CSMD1: variants seen among roughly 807,000 people sequenced by gnomAD.
CSMD1 encodes the protein CUB and sushi domain-containing protein 1.
Under a neutral mutation model 417.5 loss-of-function variants are expected in CSMD1, and 213 were observed. That is an observed-to-expected ratio of 0.51 (90% CI 0.46 to 0.57). The LOEUF is 0.57. CSMD1 is among the 20% of genes least tolerant of loss of function. The probability of loss-of-function intolerance (pLI) is 0.00; values close to 1 mark genes in which losing one functional copy is unlikely to be tolerated. For missense variants in CSMD1, 6,923 were observed against 4,529.7 expected (o/e 1.53, Z -15.17); for synonymous variants, 2,862 against 1,736.8 (o/e 1.65, Z -16.11).
chr8:4,134,914 T>G (rs76579663), intron 3 of CSMD1, among the ~76,000 whole-genome samples: 5,516 of 152,238 alleles, frequency 0.036, 318 homozygotes, highest in African/African-American at 0.13. Context: ...TTATCTAGTT[T>G]TTGCTAAACT....
chr8:3,400,485 G>A (rs544116441), intron 15 of CSMD1, among the ~76,000 whole-genome samples: 2 of 151,974 alleles, frequency 1.3e-5, no homozygotes, highest in African/African-American at 4.8e-5. Context: ...ATGTGAATTA[G>A]TGAAATTTAT....
chr8:3,648,302 A>T (rs1442447157), intron 7 of CSMD1, among the ~76,000 whole-genome samples: 3 of 152,220 alleles, frequency 2.0e-5, no homozygotes, highest in African/African-American at 7.2e-5. Context: ...TCTGCCCTAC[A>T]AATTGCCTTG....
intron 1 of CSMD1, among the ~76,000 whole-genome samples, chr8:4,880,720 C>A (rs1471482965): frequency 1.3e-5 from 2 of 151,982 alleles, no homozygotes; most frequent in Non-Finnish European, 2.9e-5. Flanking sequence ...CATAAATATC[C>A]CACGTGTCCA....
intron 3 of CSMD1, among the ~76,000 whole-genome samples, chr8:4,042,782 T>C (rs994725841): frequency 7.4e-6 from 1 of 134,294 alleles, no homozygotes; most frequent in Admixed American, 8.1e-5. Flanking sequence ...TGCTGTATCT[T>C]CGCTATACAA....
At chr8:4,161,503 G>A (rs985694837) in intron 3 of CSMD1, among the ~76,000 whole-genome samples, 4 of 152,148 alleles carry the variant, frequency 2.6e-5, no homozygotes, top group Non-Finnish European at 1.5e-5. Flanking sequence ...AAAGAAAAAG[G>A]ACTGAACCCA....
intron 3 of CSMD1, among the ~76,000 whole-genome samples, chr8:4,261,456 C>T (rs539028979): frequency 6.6e-6 from 1 of 152,068 alleles, no homozygotes; most frequent in Non-Finnish European, 1.5e-5. Context: ...ACTTCCAGTT[C>T]GAAGATGCAT....
At chr8:3,118,165 T>C (rs1265488956) in intron 42 of CSMD1, among the ~76,000 whole-genome samples, 1 of 152,200 alleles carries the variant, frequency 6.6e-6, no homozygotes, top group Non-Finnish European at 1.5e-5. Flanking sequence ...CTCTTGTGTT[T>C]ACTATTTTGC....
chr8:4,912,799 G>GA (rs1319565338), intron 1 of CSMD1, among the ~76,000 whole-genome samples: 1 of 49,634 alleles, frequency 2.0e-5, no homozygotes, highest in Non-Finnish European at 3.9e-5. Flanking sequence ...TTTTTTTGGA[G>GA]GGGGGGCACA....
intron 11 of CSMD1, among the ~76,000 whole-genome samples, chr8:3,479,448 T>C (rs185207149): frequency 7.2e-4 from 110 of 152,238 alleles, no homozygotes; most frequent in African/African-American, 2.6e-3. Flanking sequence ...GCCCAGCTAA[T>C]TTTGTACTTT....
intron 1 of CSMD1, among the ~76,000 whole-genome samples, chr8:4,639,194 G>C (rs778570688): frequency 6.6e-6 from 1 of 150,754 alleles, no homozygotes; most frequent in South Asian, 2.1e-4. Context: ...CCCTTCCCAA[G>C]TTACTTCCCA....
chr8:3,817,248 TCTTC>T (rs1488758241), intron 5 of CSMD1, among the ~76,000 whole-genome samples: 2 of 127,892 alleles, frequency 1.6e-5, no homozygotes, highest in African/African-American at 3.0e-5. Flanking sequence ...CATATCTTCT[TCTTC>T]TTTTTTTTTT....
chr8:2,973,300 C>T lies in CSMD1; in HGVS notation c.8741-1G>A. 1 of 1,613,284 alleles carries T rather than the reference C, an allele frequency of 6.2e-7. No individual in the cohort carries two copies. Among genetic ancestry groups the T allele is most frequent in the Non-Finnish European group, 8.5e-7 (1 of 1,179,404 alleles). Reference sequence around the variant, plus strand: ...TCACCACAGAATCCAGGATTATTTCCTATTGAAAACAAACACATACGGCAA... The same window carrying T: ...TCACCACAGAATCCAGGATTATTTCTTATTGAAAACAAACACATACGGCAA... On this transcript the variant is annotated splice_acceptor_variant, in intron 56 of 69. Coordinates refer to ENST00000635120, the MANE Select transcript of CSMD1 (RefSeq NM_033225.6). LOFTEE classifies it high-confidence loss of function.
At chr8:3,565,666 G>A (rs748188224) in intron 10 of CSMD1, among the ~76,000 whole-genome samples, 3 of 152,122 alleles carry the variant, frequency 2.0e-5, no homozygotes, top group Admixed American at 6.5e-5. Context: ...CCCTAAAACA[G>A]ATCTGATAAA....
intron 5 of CSMD1, among the ~76,000 whole-genome samples, chr8:3,783,298 G>C (rs989452399): frequency 6.6e-6 from 1 of 152,184 alleles, no homozygotes; most frequent in Non-Finnish European, 1.5e-5. Flanking sequence ...AGAAATACTG[G>C]GATGGATGGG....
intron 3 of CSMD1, among the ~76,000 whole-genome samples, chr8:4,079,877 C>A (rs1390189402): frequency 6.6e-6 from 1 of 152,152 alleles, no homozygotes; most frequent in African/African-American, 2.4e-5. Context: ...ATACCATCTT[C>A]ATAGGCTGGG....
chr8:3,757,334 T>A (rs1310195727), intron 5 of CSMD1, among the ~76,000 whole-genome samples: 1 of 152,246 alleles, frequency 6.6e-6, no homozygotes, highest in East Asian at 1.9e-4. Flanking sequence ...TTGTTCAACT[T>A]TGCAGGTGTA....
chr8:4,614,658 C>T (rs1312887320), intron 2 of CSMD1, among the ~76,000 whole-genome samples: 1 of 152,084 alleles, frequency 6.6e-6, no homozygotes, highest in African/African-American at 2.4e-5. Flanking sequence ...AACGTGCGCA[C>T]ACACACAAAC....
At chr8:4,456,996 AAAAC>A (rs1331058162) in intron 2 of CSMD1, among the ~76,000 whole-genome samples, 8 of 151,540 alleles carry the variant, frequency 5.3e-5, no homozygotes, top group South Asian at 4.2e-4. Context: ...AAAAAAAAAA[AAAAC>A]AACAAGAAAA....
At chr8:4,565,243 A>G (rs73184929) in intron 2 of CSMD1, among the ~76,000 whole-genome samples, 8,404 of 152,296 alleles carry the variant, frequency 0.055, 331 homozygotes, top group Non-Finnish European at 0.085. Context: ...TGGATTAAGA[A>G]TGCCTCATTC....
Sources: gnomAD v4.1 joint callset for allele counts (sites outside exome capture counted in the v4.1 genomes callset) on GRCh38, gnomAD v4.1.1 for gene constraint, MANE v1.5 for transcripts, NCBI Gene and HGNC (gene_info 2026-07-23, HGNC 2026-07-21) for gene names.